The following CLDN16 variants were observed in gnomAD, a reference collection of about 807,000 sequenced individuals.
The protein encoded by CLDN16 is claudin-16.
A neutral mutation model predicts 24.6 loss-of-function variants in CLDN16; 13 were observed. The ratio of observed to expected loss-of-function variants is 0.53; its 90% CI spans 0.34 to 0.84. CLDN16 has a LOEUF of 0.84. Ranked by LOEUF, CLDN16 falls within the 40% of genes least tolerant of loss-of-function variation. The pLI is 0.01. For missense variants in CLDN16, 298 were observed against 292.7 expected (o/e 1.02, Z -0.13); for synonymous variants, 116 against 106.7 (o/e 1.09, Z -0.54).
chr3:190,348,298 A>T (rs1717598099), intron 1 of CLDN16, among the ~76,000 whole-genome samples: 3 of 135,900 alleles, frequency 2.2e-5, no homozygotes, highest in South Asian at 4.9e-4. Flanking sequence ...AAAAAAAAAG[A>T]TGAGACCACA....
At chr3:190,397,748 T>C (rs542716962) in intron 1 of CLDN16, among the ~76,000 whole-genome samples, 1 of 152,358 alleles carries the variant, frequency 6.6e-6, no homozygotes, top group East Asian at 1.9e-4. Context: ...CATCTAATAG[T>C]GTGCCCCTGA....
upstream of CLDN16, among the ~76,000 whole-genome samples, chr3:190,386,736 G>A (rs748000355): frequency 3.3e-5 from 5 of 152,178 alleles, no homozygotes; most frequent in Non-Finnish European, 7.4e-5. Flanking sequence ...TAGACCCTAT[G>A]TATAGAAATA....
chr3:190,375,080 T>G (rs1249453646), intron 3 of CLDN16, among the ~76,000 whole-genome samples: 1 of 152,020 alleles, frequency 6.6e-6, no homozygotes, highest in Non-Finnish European at 1.5e-5. Context: ...ATCTTTTTAT[T>G]TGTCTATCTC....
chr3:190,391,298 A>G (rs1718658786), intron 1 of CLDN16, among the ~76,000 whole-genome samples: 1 of 151,654 alleles, frequency 6.6e-6, no homozygotes, highest in Admixed American at 6.6e-5. Flanking sequence ...AAAAATATAT[A>G]CAATTATATC....
intron 1 of CLDN16, among the ~76,000 whole-genome samples, chr3:190,366,703 C>T (rs1311001441): frequency 2.0e-5 from 3 of 152,062 alleles, no homozygotes; most frequent in African/African-American, 4.8e-5. Context: ...GGGGAAAGGA[C>T]CGTGACTCTC....
chr3:190,379,983 A>ATCTG (rs1553806919), intron 3 of CLDN16, among the ~76,000 whole-genome samples: 1 of 127,374 alleles, frequency 7.9e-6, no homozygotes, highest in Non-Finnish European at 1.9e-5. Context: ...CTGTCTATCT[A>ATCTG]TCTATCTATC....
the CLDN16 span, among the ~76,000 whole-genome samples, chr3:190,292,314 C>T: frequency 6.6e-6 from 1 of 152,218 alleles, no homozygotes; most frequent in Admixed American, 6.5e-5. Flanking sequence ...TTGGGACTTA[C>T]ACCTTCTGAA....
intron 1 of CLDN16, among the ~76,000 whole-genome samples, chr3:190,356,316 A>G (rs1577407655): frequency 6.6e-6 from 1 of 151,910 alleles, no homozygotes; most frequent in Non-Finnish European, 1.5e-5. Flanking sequence ...AAATACTGCT[A>G]TAATAAGTGT....
At chr3:190,360,469 A>G (rs1373842852) in intron 1 of CLDN16, among the ~76,000 whole-genome samples, 1 of 151,956 alleles carries the variant, frequency 6.6e-6, no homozygotes, top group Non-Finnish European at 1.5e-5. Context: ...AATCATCAAA[A>G]TAAGAGATAA....
chr3:190,409,403 A>T (rs1299410474), intron 4 of CLDN16, among the ~76,000 whole-genome samples: 2 of 151,814 alleles, frequency 1.3e-5, no homozygotes, highest in Non-Finnish European at 2.9e-5. Flanking sequence ...ATATATGTAG[A>T]TATACATATA....
At chr3:190,396,351 G>T (rs1412546903) in intron 1 of CLDN16, among the ~76,000 whole-genome samples, 1 of 152,082 alleles carries the variant, frequency 6.6e-6, no homozygotes, top group Non-Finnish European at 1.5e-5. Flanking sequence ...ATAATTTTTT[G>T]GCTTCTGGAT....
At chr3:190,402,729 GTAAA>G (rs201755973) in intron 2 of CLDN16, among the ~76,000 whole-genome samples, 2,099 of 152,236 alleles carry the variant, frequency 0.014, 43 homozygotes, top group African/African-American at 0.048. Context: ...CAGGCTTACA[GTAAA>G]TGGTTTTTTA....
intron 1 of CLDN16, among the ~76,000 whole-genome samples, chr3:190,354,313 G>T (rs1320062711): frequency 6.6e-6 from 1 of 152,118 alleles, no homozygotes; most frequent in South Asian, 2.1e-4. Flanking sequence ...TTTAATAAAG[G>T]TGTGATAGGT....
intron 1 of CLDN16, among the ~76,000 whole-genome samples, chr3:190,357,397 C>G (rs1180347356): frequency 6.6e-6 from 1 of 151,894 alleles, no homozygotes; most frequent in Admixed American, 6.6e-5. Flanking sequence ...TACTTTGGTT[C>G]AAACACTCTT....
chr3:190,379,708 C>T (rs973047824), intron 3 of CLDN16, among the ~76,000 whole-genome samples: 2 of 152,086 alleles, frequency 1.3e-5, no homozygotes, highest in Non-Finnish European at 1.5e-5. Flanking sequence ...TAAGATGCTT[C>T]TCACGAACAC....
At chr3:190,338,044 A>G (rs1398771459) in intron 1 of CLDN16, among the ~76,000 whole-genome samples, 1 of 152,138 alleles carries the variant, frequency 6.6e-6, no homozygotes, top group East Asian at 1.9e-4. Context: ...TCCTAAACCA[A>G]CAGCCATTAC....
intron 3 of CLDN16, among the ~76,000 whole-genome samples, chr3:190,378,017 T>C (rs1454596244): frequency 1.3e-5 from 2 of 151,970 alleles, no homozygotes; most frequent in African/African-American, 2.4e-5. Context: ...TTTAGGACCA[T>C]GTTCTCTGGA....
upstream of CLDN16, among the ~76,000 whole-genome samples, chr3:190,386,454 T>C (rs1718499725): frequency 6.6e-6 from 1 of 152,076 alleles, no homozygotes; most frequent in Non-Finnish European, 1.5e-5. Context: ...ACACACACTA[T>C]ACGCAACAGT....
At chr3:190,402,866 G>T (rs1399323522) in intron 2 of CLDN16, among the ~76,000 whole-genome samples, 3 of 152,164 alleles carry the variant, frequency 2.0e-5, no homozygotes, top group African/African-American at 7.2e-5. Context: ...AGTTATTTCA[G>T]TTGAAGGTTA....
Sources: allele counts gnomAD v4.1 joint callset (sites outside exome capture counted in the v4.1 genomes callset), GRCh38; gene constraint gnomAD v4.1.1; transcripts MANE v1.5; gene names NCBI Gene and HGNC (gene_info 2026-07-23, HGNC 2026-07-21).